Variants in PCNX2 observed in about 807,000 individuals in gnomAD.
PCNX2 encodes pecanex 2.
PCNX2 carries 168 observed loss-of-function variants against 223.8 expected under a neutral mutation model. The observed-to-expected ratio is 0.75, with a 90% confidence interval of 0.66 to 0.85. The LOEUF is 0.85. PCNX2 is among the 40% of genes least tolerant of loss of function. PCNX2 has a pLI of 0.00. For missense variants in PCNX2, 2,507 were observed against 2,675.5 expected (o/e 0.94, Z 1.39); for synonymous variants, 1,006 against 1,052.6 (o/e 0.96, Z 0.86).
chr1:233,150,094 C>T (rs557488764), intron 19 of PCNX2, among the ~76,000 whole-genome samples: 47 of 152,218 alleles, frequency 3.1e-4, no homozygotes, highest in Non-Finnish European at 4.7e-4. Flanking sequence ...CCACAGCCAG[C>T]GGGGCCAGGA....
intron 15 of PCNX2, among the ~76,000 whole-genome samples, chr1:233,187,164 T>A (rs1680149451): frequency 6.6e-6 from 1 of 152,224 alleles, no homozygotes; most frequent in Non-Finnish European, 1.5e-5. Context: ...TGCTTAACAT[T>A]CACGACCACA....
intron 23 of PCNX2, among the ~76,000 whole-genome samples, chr1:233,079,710 C>T (rs1053804751): frequency 2.6e-5 from 4 of 152,220 alleles, no homozygotes; most frequent in African/African-American, 4.8e-5. Context: ...TCGGTGGACT[C>T]AGGGGATAGG....
rs564575155 is a variant in PCNX2 at position 233,189,255 on chromosome 1, C to T, written c.3066+9684G>A. On this transcript the variant is annotated intron_variant, in intron 15 of 33. Coordinates refer to ENST00000258229, the MANE Select transcript of PCNX2 (RefSeq NM_014801.4). ...ACAGGAATGTTGATATCTTCCTTAT[C>T]GATTACATGGAGATATAGTAAGGGG... Among the ~76,000 whole-genome samples the T allele has an allele frequency of 6.6e-4, 101 of 152,246 alleles. No homozygotes were observed. In the Middle Eastern group the frequency reaches 0.01, roughly 15 times the overall value.
chr1:233,121,623 G>A (rs577416931), intron 21 of PCNX2, among the ~76,000 whole-genome samples: 2 of 152,018 alleles, frequency 1.3e-5, no homozygotes, highest in African/African-American at 2.4e-5. Context: ...AGATACTAAC[G>A]GGTGACTGTA....
intron 23 of PCNX2, among the ~76,000 whole-genome samples, chr1:233,066,096 C>A (rs1266793365): frequency 1.3e-5 from 2 of 152,156 alleles, no homozygotes; most frequent in East Asian, 3.9e-4. Context: ...GTAGGGGGTA[C>A]CCACTTAGGG....
intron 21 of PCNX2, among the ~76,000 whole-genome samples, chr1:233,102,576 G>C (rs11578005): frequency 0.17 from 26,122 of 151,988 alleles, 2,337 homozygotes; most frequent in East Asian, 0.25. Flanking sequence ...TGAGATGATA[G>C]CTGATTGTGG....
chr1:233,025,581 T>TG, intron 25 of PCNX2, 182 bp from the exon 26 acceptor site: 1 of 714,522 alleles, frequency 1.4e-6, no homozygotes, highest in Admixed American at 2.9e-5. Context: ...CATGAACTCT[T>TG]TTATTCACTC....
At chr1:233,082,031 G>T (rs1673385104) in intron 23 of PCNX2, among the ~76,000 whole-genome samples, 1 of 151,798 alleles carries the variant, frequency 6.6e-6, no homozygotes. Context: ...TCCTCTGAGA[G>T]GCTTCAGGAT....
At chr1:233,221,519 G>GT (rs1463951005) in intron 10 of PCNX2, among the ~76,000 whole-genome samples, 2 of 152,070 alleles carry the variant, frequency 1.3e-5, no homozygotes, top group African/African-American at 4.8e-5. Context: ...TCAGTTTCCT[G>GT]TTTATCTATC....
intron 5 of PCNX2, among the ~76,000 whole-genome samples, chr1:233,254,119 A>G (rs1028961669): frequency 2.6e-5 from 4 of 152,234 alleles, no homozygotes; most frequent in Non-Finnish European, 4.4e-5. Context: ...ATCCTTGCAT[A>G]TATAACAAAG....
At chr1:233,070,182 A>G (rs1672791703) in intron 23 of PCNX2, among the ~76,000 whole-genome samples, 2 of 152,178 alleles carry the variant, frequency 1.3e-5, no homozygotes, top group Non-Finnish European at 2.9e-5. Context: ...CATAATTTTA[A>G]AAGCCCTGTA....
chr1:233,222,502 G>A (rs1657443322), intron 10 of PCNX2, among the ~76,000 whole-genome samples: 1 of 152,012 alleles, frequency 6.6e-6, no homozygotes, highest in Non-Finnish European at 1.5e-5. Flanking sequence ...GACCAGCCTA[G>A]GCAACAGTCT....
intron 23 of PCNX2, among the ~76,000 whole-genome samples, chr1:233,075,254 ATAAAC>A (rs1673039725): frequency 2.0e-5 from 3 of 152,236 alleles, no homozygotes; most frequent in South Asian, 2.1e-4. Context: ...ATATAATAAA[ATAAAC>A]TAATGACACA....
chr1:233,187,606 G>C (rs187245466), intron 15 of PCNX2, among the ~76,000 whole-genome samples: 5 of 152,204 alleles, frequency 3.3e-5, no homozygotes, highest in Non-Finnish European at 7.3e-5. Context: ...CAACTTCTGA[G>C]CTATCAATCA....
intron 1 of PCNX2, among the ~76,000 whole-genome samples, chr1:233,294,633 T>C (rs146960607): frequency 2.6e-5 from 4 of 152,330 alleles, no homozygotes; most frequent in African/African-American, 9.6e-5. Context: ...TCAAAGCAGG[T>C]AAACCATTGT....
In PCNX2 at chr1:233,253,588, C is replaced by G. The variant is rs1659574170; in HGVS notation, c.1835-800G>C. ...CTTGAACTCCTGTCCTCAAGTGATC[C>G]TCCCACCTCAGCCTCCTGAAGTACT... On this transcript the variant is annotated intron_variant, in intron 5 of 33. Transcript: ENST00000258229. The surrounding 1 kb of genome is among the most constrained non-coding windows in gnomAD (Gnocchi z 4.2). Among the ~76,000 whole-genome samples, 1 of 152,182 alleles carries G rather than the reference C, an allele frequency of 6.6e-6. No individual in the cohort carries two copies.
chr1:233,193,033 CAAT>C (rs1455436945), intron 15 of PCNX2, among the ~76,000 whole-genome samples: 1 of 144,968 alleles, frequency 6.9e-6, no homozygotes, highest in South Asian at 2.1e-4. Flanking sequence ...TAATATATTT[CAAT>C]AATATATAAA....
intron 15 of PCNX2, chr1:233,181,121 C>G (rs1467536886): frequency 6.6e-6 from 1 of 152,040 alleles, no homozygotes; most frequent in Non-Finnish European, 1.5e-5. Context: ...GAGCCCAACT[C>G]TCCCCTCACA....
chr1:233,075,762 A>G (rs10797600), intron 23 of PCNX2, among the ~76,000 whole-genome samples: 59,260 of 151,170 alleles, frequency 0.39, 13,717 homozygotes, highest in African/African-American at 0.65. Flanking sequence ...TCTCCATTGC[A>G]AATAGCAGGC....
Sources: allele counts gnomAD v4.1 joint callset (sites outside exome capture counted in the v4.1 genomes callset), GRCh38; gene constraint gnomAD v4.1.1; non-coding constraint Gnocchi (gnomAD v3.1); transcripts MANE v1.5; gene names NCBI Gene and HGNC (gene_info 2026-07-23, HGNC 2026-07-21).